CUX1: variants seen among roughly 807,000 people sequenced by gnomAD.
CUX1 encodes cut like homeobox 1, also known as protein CASP.
Under a neutral mutation model 158.8 loss-of-function variants are expected in CUX1, and 31 were observed. The ratio of observed to expected loss-of-function variants is 0.20; its 90% CI spans 0.15 to 0.26. The LOEUF (loss-of-function observed/expected upper bound fraction) is 0.26, where lower values mean the gene tolerates loss of function less well. CUX1 is among the 10% of genes least tolerant of loss of function. CUX1 has a pLI of 1.00. For synonymous variants in CUX1, 879 were observed against 862.1 expected, an observed-to-expected ratio of 1.02 and a Z score of -0.34; for missense variants, 1,589 against 2,014.6, an observed-to-expected ratio of 0.79 and a Z score of 4.04.
At chr7:101,823,228 A>C (rs544361906) in intron 1 of CUX1, among the ~76,000 whole-genome samples, 54 of 152,222 alleles carry the variant, frequency 3.5e-4, no homozygotes, top group African/African-American at 1.3e-3. Flanking sequence ...TACAGATCCC[A>C]CCCTCAGGGG....
At chr7:101,980,042 C>G (rs940833056) in intron 2 of CUX1, among the ~76,000 whole-genome samples, 1 of 152,150 alleles carries the variant, frequency 6.6e-6, no homozygotes, top group Non-Finnish European at 1.5e-5. Flanking sequence ...TGACAGAGTG[C>G]GGAGAGCGGG....
At chr7:102,117,699 G>A (rs1222273572) in intron 8 of CUX1, among the ~76,000 whole-genome samples, 1 of 152,178 alleles carries the variant, frequency 6.6e-6, no homozygotes, top group Non-Finnish European at 1.5e-5. Flanking sequence ...AAGAATTGTC[G>A]AGGAAGCCTT....
In CUX1 at chr7:102,083,792, A is replaced by G. The variant is rs1208684363; in HGVS notation, c.268+13375A>G. On this transcript the variant is annotated intron_variant, in intron 4 of 23. Transcript: ENST00000292535. Reference sequence around the variant, plus strand: ...AGTATTTTACAGTTTTGATGTATAAACCTGGCACAGATTATGTTCAGTTTA... The same window carrying G: ...AGTATTTTACAGTTTTGATGTATAAGCCTGGCACAGATTATGTTCAGTTTA... Among the ~76,000 whole-genome samples, 26 of 146,990 alleles carry G rather than the reference A, an allele frequency of 1.8e-4. 4 individuals are homozygous for G. Among genetic ancestry groups the G allele is most frequent in the Admixed American group, 1.7e-3 (25 of 14,490 alleles).
At chr7:102,058,732 CACA>C (rs1239232648) in intron 3 of CUX1, among the ~76,000 whole-genome samples, 1 of 152,128 alleles carries the variant, frequency 6.6e-6, no homozygotes, top group Non-Finnish European at 1.5e-5. Context: ...ATTATCTACT[CACA>C]ACAATGGTGA....
chr7:102,060,534 C>T (rs767261756), intron 3 of CUX1, among the ~76,000 whole-genome samples: 8 of 150,960 alleles, frequency 5.3e-5, no homozygotes, highest in Middle Eastern at 3.4e-3. Context: ...ACTTAATGGA[C>T]GAAGAGATCA....
chr7:102,192,007 A>G (rs1028188676), intron 12 of CUX1, among the ~76,000 whole-genome samples: 7 of 152,206 alleles, frequency 4.6e-5, no homozygotes, highest in African/African-American at 1.4e-4. Flanking sequence ...GCGTCCGCAC[A>G]TGACAGGCCC....
Position 102,063,682 on chromosome 7 carries a change from C to T in CUX1, c.190-6657C>T, listed in dbSNP as rs535564748. On this transcript the variant is annotated intron_variant, in intron 3 of 23. Coordinates refer to ENST00000292535, the MANE Select transcript of CUX1 (RefSeq NM_181552.4). Reference sequence around the variant, plus strand: ...TGCTGGGATTACAGGCGTGAGCCACCGTGCCTTGTCAAGAACCCTTTACAT... The same window carrying T: ...TGCTGGGATTACAGGCGTGAGCCACTGTGCCTTGTCAAGAACCCTTTACAT... 5.3e-5 allele frequency among the ~76,000 whole-genome samples: 8 copies of T among 152,124 alleles called. No homozygotes were observed. The South Asian group carries it at 1.7e-3, about 32-fold the overall frequency.
At chr7:102,034,598 C>T (rs1302174558) in intron 3 of CUX1, among the ~76,000 whole-genome samples, 1 of 151,926 alleles carries the variant, frequency 6.6e-6, no homozygotes, top group Non-Finnish European at 1.5e-5. Flanking sequence ...ACTAAAAATA[C>T]AAAAATTAGC....
At chr7:102,065,746 T>C (rs1825472248) in intron 3 of CUX1, among the ~76,000 whole-genome samples, 1 of 152,062 alleles carries the variant, frequency 6.6e-6, no homozygotes, top group Non-Finnish European at 1.5e-5. Context: ...GTTTTTGGTT[T>C]TTATGCCGGT....
intron 3 of CUX1, among the ~76,000 whole-genome samples, chr7:102,051,654 CAAA>C (rs1299911064): frequency 6.7e-5 from 6 of 89,704 alleles, no homozygotes; most frequent in East Asian, 3.3e-4. Context: ...GACTCTGTCT[CAAA>C]AAAAAAAAAA....
chr7:102,273,535 C>T (rs781967955), intron 15 of CUX1: 2 of 1,577,864 alleles, frequency 1.3e-6, no homozygotes, highest in Non-Finnish European at 1.7e-6. Flanking sequence ...CGATACCTGC[C>T]CAACTGACTT....
chr7:102,111,253 A>G (rs1334370420), intron 6 of CUX1, among the ~76,000 whole-genome samples: 1 of 152,210 alleles, frequency 6.6e-6, no homozygotes, highest in African/African-American at 2.4e-5. Flanking sequence ...GCATTCCATT[A>G]TAACAGAGAC....
intron 9 of CUX1, among the ~76,000 whole-genome samples, chr7:102,168,895 T>C (rs1404578962): frequency 8.0e-6 from 1 of 124,830 alleles, no homozygotes; most frequent in Non-Finnish European, 1.6e-5. Context: ...TTTCTTTTCT[T>C]TTCTTTTCTT....
chr7:102,260,779 G>A (rs115864288), downstream of CUX1, among the ~76,000 whole-genome samples: 4,199 of 152,146 alleles, frequency 0.028, 188 homozygotes, highest in African/African-American at 0.096. Flanking sequence ...AGGGTGGCGC[G>A]ACGTGATGAT....
At chr7:102,235,801 C>T (rs1229189006) in intron 22 of CUX1, among the ~76,000 whole-genome samples, 4 of 148,318 alleles carry the variant, frequency 2.7e-5, no homozygotes, top group Non-Finnish European at 6.0e-5. Context: ...CACACACACG[C>T]GCACACAACA....
rs1232288415 is a variant in CUX1, at chr7:102,253,735, A to G, written c.*4693A>G. 24 of 985,390 alleles carry G rather than the reference A, an allele frequency of 2.4e-5. No individual in the cohort carries two copies. The highest frequency in any genetic ancestry group is 1.0e-4 in the African/African-American group (6 of 57,252). 61.0% of individuals were successfully genotyped at this position (985,390 alleles called of 1,614,324 possible). A position where few individuals can be genotyped will look rare whatever the true frequency, so the allele number is the denominator to read the frequency against. ...GGCAGACCAGTAAAAACAAAAGCCC[A>G]TAGACCTTACTCATCCCAAGGCCGA... On this transcript the variant is annotated 3_prime_UTR_variant, in exon 24 of 24. Transcript: ENST00000292535.
chr7:102,121,495 G>A (rs1832043109), intron 8 of CUX1, among the ~76,000 whole-genome samples: 1 of 152,106 alleles, frequency 6.6e-6, no homozygotes, highest in Non-Finnish European at 1.5e-5. Flanking sequence ...GCAGGCATCT[G>A]CCACCACACC....
At chr7:102,061,341 T>C (rs1478024675) in intron 3 of CUX1, among the ~76,000 whole-genome samples, 2 of 152,162 alleles carry the variant, frequency 1.3e-5, no homozygotes, top group Middle Eastern at 3.2e-3. Flanking sequence ...CCATTGACCA[T>C]GTGGCCCCCA....
intron 1 of CUX1, among the ~76,000 whole-genome samples, chr7:101,836,009 C>G (rs1173850780): frequency 6.6e-6 from 1 of 152,152 alleles, no homozygotes; most frequent in African/African-American, 2.4e-5. Context: ...ATTACAGGCG[C>G]GAGCCACCGC....
Sources: allele counts gnomAD v4.1 joint callset (sites outside exome capture counted in the v4.1 genomes callset), GRCh38; gene constraint gnomAD v4.1.1; transcripts MANE v1.5; gene names NCBI Gene and HGNC (gene_info 2026-07-23, HGNC 2026-07-21).